The following ZNF605 variants were observed in gnomAD, a reference collection of about 807,000 sequenced individuals.
ZNF605 encodes zinc finger protein 605.
In ZNF605, 9 loss-of-function variants were observed where a neutral mutation model predicts 7.9. The ratio of observed to expected loss-of-function variants is 1.14; its 90% CI spans 0.68 to 1.98. The LOEUF (loss-of-function observed/expected upper bound fraction) is 1.98, where lower values mean the gene tolerates loss of function less well. ZNF605 is among the 30% of genes most tolerant of loss of function. The pLI is 0.00. For missense variants in ZNF605, 673 were observed against 762.4 expected (o/e 0.88, Z 1.38); for synonymous variants, 255 against 260.1 (o/e 0.98, Z 0.19).
intron 3 of ZNF605, among the ~76,000 whole-genome samples, chr12:132,939,987 G>T (rs920623937): frequency 1.3e-5 from 2 of 152,024 alleles, no homozygotes; most frequent in South Asian, 4.1e-4. Context: ...AAGAAACTCC[G>T]AACACAGCTG....
chr12:132,950,399 G>A (rs1234020333), intron 1 of ZNF605, among the ~76,000 whole-genome samples: 1 of 151,056 alleles, frequency 6.6e-6, no homozygotes, highest in Non-Finnish European at 1.5e-5. Flanking sequence ...ACACACTCAC[G>A]GATGCACACA....
At chr12:132,932,999 C>A in intron 4 of ZNF605, 36 bp downstream of exon 4, 1 of 1,544,980 alleles carries the variant, frequency 6.5e-7, no homozygotes, top group South Asian at 1.3e-5. Context: ...AGGCCAGTTA[C>A]TGGCCATACA....
chr12:132,952,849 G>A (rs1204004794), intron 1 of ZNF605, among the ~76,000 whole-genome samples: 1 of 152,020 alleles, frequency 6.6e-6, no homozygotes. Flanking sequence ...TGTCACTCAC[G>A]AGAGGCTTGC....
chr12:132,932,619 C>T (rs1469778043), intron 4 of ZNF605: 2 of 785,758 alleles, frequency 2.5e-6, no homozygotes, highest in Non-Finnish European at 3.9e-6. Context: ...ACTTTAAACA[C>T]AGTTTTATAA....
rs1952244445 is a variant in ZNF605, at chr12:132,926,134, C to T, written c.1165G>A (p.Gly389Arg). ...TCACTGCATCGATAGTTCTTCTCTC[C>T]TGTGTGAGTTATCTGATGTTTAATC... ...QLIKHQITHTGEKNYRCSDCE... is the reference protein window; with the variant it reads ...QLIKHQITHTREKNYRCSDCE... The change falls in exon 5 of 5, where the codon GGA becomes AGA. Residue 389 changes from glycine (G) to arginine (R), a missense_variant. Transcript: ENST00000360187. 1.2e-6 allele frequency: 2 copies of T among 1,614,074 alleles called. No homozygotes were observed. Among genetic ancestry groups the T allele is most frequent in the South Asian group, 1.1e-5 (1 of 91,092 alleles).
At position 132,926,434 on chromosome 12, in the gene ZNF605, C is replaced by T. The variant is rs201958860; in HGVS notation, c.865G>A (p.Ala289Thr). Reference sequence around the variant, plus strand: ...ATGAGTTTTAATTTCTGGGAGAATGCTTTCCCACACTCACTGCAACTGTAG... The same window carrying T: ...ATGAGTTTTAATTTCTGGGAGAATGTTTTCCCACACTCACTGCAACTGTAG... ...KPYSCSECGK[A>T]FSQKLKLITH... Residue 289 changes from alanine to threonine, a missense_variant, in exon 5 of 5, where the codon GCA becomes ACA. Ala to Thr is a moderately conservative substitution (Grantham distance 58). Coordinates refer to ENST00000360187, the MANE Select transcript of ZNF605 (RefSeq NM_183238.4). The T allele has an allele frequency of 8.0e-4, 1,289 of 1,614,108 alleles. 1 individual carries two copies. The highest frequency in any genetic ancestry group is 9.3e-4 in the Non-Finnish European group (1,097 of 1,180,002).
rs909834297 is a variant in ZNF605 at position 132,925,192 on chromosome 12, C to T, written c.*181G>A. Reference sequence around the variant, plus strand: ...GTCTTCTGGGAGATGACTTTTTTTACACTGTTTGCTTTTTAAAAACTTCTC... The same window carrying T: ...GTCTTCTGGGAGATGACTTTTTTTATACTGTTTGCTTTTTAAAAACTTCTC... On this transcript the variant is annotated 3_prime_UTR_variant, in exon 5 of 5. Transcript: ENST00000360187. 15 of 518,684 alleles carry T rather than the reference C, an allele frequency of 2.9e-5. No homozygotes were observed. In the East Asian group the frequency reaches 4.3e-4, roughly 15 times the overall value. 32.1% of individuals were successfully genotyped at this position (518,684 alleles called of 1,614,324 possible).
At chr12:132,950,737 CAT>C (rs1477798880) in intron 1 of ZNF605, among the ~76,000 whole-genome samples, 4 of 150,790 alleles carry the variant, frequency 2.7e-5, no homozygotes, top group East Asian at 2.0e-4. Context: ...ATCACACAGA[CAT>C]GTACAGACAT....
At chr12:132,945,928 C>T (rs1952490672) in intron 2 of ZNF605, 131 bp from the exon 3 acceptor site, 2 of 583,892 alleles carry the variant, frequency 3.4e-6, no homozygotes, top group Middle Eastern at 4.5e-4. Flanking sequence ...CACACCAGGG[C>T]TAGCGGGCGG....
intron 4 of ZNF605, among the ~76,000 whole-genome samples, chr12:132,927,465 A>C (rs1952257736): frequency 6.6e-6 from 1 of 152,090 alleles, no homozygotes; most frequent in Non-Finnish European, 1.5e-5. Context: ...TCCCAGGTTC[A>C]AGCAATTCTC....
Position 132,919,822 on chromosome 12 carries a change from A to G in ZNF605, c.*5551T>C, listed in dbSNP as rs1952187473. 6.6e-6 allele frequency: 1 copy of G among 152,116 alleles called. No individual in the cohort carries two copies. The highest frequency in any genetic ancestry group is 1.9e-4 in the East Asian group (1 of 5,166). 9.4% of individuals were successfully genotyped at this position (152,116 alleles called of 1,614,324 possible). A position where few individuals can be genotyped will look rare whatever the true frequency, so the allele number is the denominator to read the frequency against. The stretch of plus-strand genomic sequence containing the variant: ...CACATTTCGAGATTTAGGTATCACT[A>G]AATAAGTTTGGTGTTCCCTGTTTTT... On this transcript the variant is annotated 3_prime_UTR_variant, in exon 5 of 5. Transcript: ENST00000360187.
intron 4 of ZNF605, among the ~76,000 whole-genome samples, chr12:132,928,687 C>A (rs940571354): frequency 6.6e-6 from 1 of 152,042 alleles, no homozygotes; most frequent in South Asian, 2.1e-4. Context: ...AAGTACTCTG[C>A]GAGATGAAAA....
rs1347260745 is a variant in ZNF605, at chr12:132,921,885, GGGCCTCTTT to G, written c.*3479_*3487del. 2.0e-5 allele frequency: 3 copies of G among 152,206 alleles called. No homozygotes were observed. The highest frequency in any genetic ancestry group is 7.2e-5 in the African/African-American group (3 of 41,454). The allele number at this position is 152,206 out of a possible 1,614,324, so 9.4% of individuals were successfully genotyped here. On this transcript the variant is annotated 3_prime_UTR_variant, in exon 5 of 5. Coordinates refer to ENST00000360187, the MANE Select transcript of ZNF605 (RefSeq NM_183238.4). ...AATGATGGGGGTGCTGCCCTCTGCT[GGGCCTCTTT>G]GGCAGTCGACTTCAACTTAATGCAT...
Position 132,948,250 on chromosome 12 carries a change from C to CA in ZNF605, c.-266_-265insT, listed in dbSNP as rs1182862548. 2.0e-5 allele frequency: 3 copies of CA among 152,210 alleles called. No homozygotes were observed. Among genetic ancestry groups the CA allele is most frequent in the Non-Finnish European group, 1.5e-5 (1 of 68,048 alleles). The allele number at this position is 152,210 out of a possible 1,614,324, so 9.4% of individuals were successfully genotyped here. A position where few individuals can be genotyped will look rare whatever the true frequency, so the allele number is the denominator to read the frequency against. Reference sequence around the variant, plus strand: ...GGACACGCAGCTGCACAGGGACGCTCTTTCCTTCATCAGAATGAGTCTGAA... The same window carrying CA: ...GGACACGCAGCTGCACAGGGACGCTCATTTCCTTCATCAGAATGAGTCTGAA... On this transcript the variant is annotated 5_prime_UTR_variant, in exon 2 of 5. It adds an upstream start codon to the 5' untranslated region. Coordinates refer to ENST00000360187, the MANE Select transcript of ZNF605 (RefSeq NM_183238.4).
Position 132,945,782 on chromosome 12 carries a change from T to A in ZNF605, c.-147A>T. The A allele has an allele frequency of 8.6e-7, 1 of 1,165,532 alleles. No homozygotes were observed. Among genetic ancestry groups the A allele is most frequent in the African/African-American group, 1.5e-5 (1 of 65,754 alleles). The allele number at this position is 1,165,532 out of a possible 1,614,324, so 72.2% of individuals were successfully genotyped here. On this transcript the variant is annotated 5_prime_UTR_variant, in exon 3 of 5. Transcript: ENST00000360187. The stretch of plus-strand genomic sequence containing the variant: ...TCTTATCTCACATGAATTGTCTTGT[T>A]CCAGAGGGCTATTGCCTGTGGATGC...
At chr12:132,948,931 G>A (rs968330909) in intron 1 of ZNF605, among the ~76,000 whole-genome samples, 5 of 152,196 alleles carry the variant, frequency 3.3e-5, no homozygotes, top group East Asian at 1.9e-4. Context: ...TGGCACCTGC[G>A]GAAGCAGACA....
chr12:132,928,912 G>A lies in ZNF605; in HGVS notation c.137-1750C>T, dbSNP rs1952275481. Among the ~76,000 whole-genome samples the A allele has an allele frequency of 3.3e-5, 5 of 151,930 alleles. No homozygotes were observed. The South Asian group carries it at 1.0e-3, about 32-fold the overall frequency. ...CACACGTGAAGTCCCAGCTACTTGT[G>A]AGGCAGAGGGGGTGGATCACTAGAG... is the stretch of plus-strand genomic sequence containing the variant. On this transcript the variant is annotated intron_variant, in intron 4 of 4. Coordinates refer to ENST00000360187, the MANE Select transcript of ZNF605 (RefSeq NM_183238.4).
chr12:132,939,684 G>A (rs1212935356), intron 3 of ZNF605, among the ~76,000 whole-genome samples: 5 of 152,202 alleles, frequency 3.3e-5, no homozygotes, highest in African/African-American at 1.2e-4. Flanking sequence ...ATAAAAGCAG[G>A]CTGCCCGAGC....
chr12:132,928,459 G>C (rs1952270284), intron 4 of ZNF605, among the ~76,000 whole-genome samples: 1 of 151,868 alleles, frequency 6.6e-6, no homozygotes, highest in Non-Finnish European at 1.5e-5. Context: ...TCCTTTAATT[G>C]GATCTGTAAA....
Sources: gnomAD v4.1 joint callset for allele counts (sites outside exome capture counted in the v4.1 genomes callset) on GRCh38, gnomAD v4.1.1 for gene constraint, MANE v1.5 for transcripts, NCBI Gene and HGNC (gene_info 2026-07-23, HGNC 2026-07-21) for gene names.